NTM: variants seen among roughly 807,000 people sequenced by gnomAD.
NTM encodes the protein neurotrimin.
Under a neutral mutation model 42.1 loss-of-function variants are expected in NTM, and 13 were observed. That is an observed-to-expected ratio of 0.31 (90% CI 0.20 to 0.49). The LOEUF (loss-of-function observed/expected upper bound fraction) is 0.49, where lower values mean the gene tolerates loss of function less well. NTM is among the 20% of genes least tolerant of loss of function. The pLI, the probability that NTM is intolerant of heterozygous loss-of-function variation, is 0.99. For missense variants in NTM, 373 were observed against 452.8 expected (o/e 0.82, Z 1.60); for synonymous variants, 187 against 179.2 (o/e 1.04, Z -0.35).
chr11:131,510,772 A>G (rs1000560451), intron 1 of NTM, among the ~76,000 whole-genome samples: 1 of 152,088 alleles, frequency 6.6e-6, no homozygotes, highest in Admixed American at 6.5e-5. Flanking sequence ...TTTGCAGTCA[A>G]GGTTTGTGCC....
Position 132,320,362 on chromosome 11 carries a change from G to A in NTM, c.934+5659G>A, listed in dbSNP as rs145282944. Reference sequence around the variant, plus strand: ...AGCAGGGCGAGGCATTGCCTCACTCGGGAAGTGCAAGGGATCAGGGAGTTC... The same window carrying A: ...AGCAGGGCGAGGCATTGCCTCACTCAGGAAGTGCAAGGGATCAGGGAGTTC... On this transcript the variant is annotated intron_variant, in intron 7 of 8. Transcript: ENST00000683400. Among the ~76,000 whole-genome samples, 727 of 152,322 alleles carry A rather than the reference G, an allele frequency of 4.8e-3. 8 individuals are homozygous for A. The highest frequency in any genetic ancestry group is 0.016 in the African/African-American group (679 of 41,568).
chr11:131,753,519 T>G (rs1296465176), intron 1 of NTM, among the ~76,000 whole-genome samples: 8 of 151,596 alleles, frequency 5.3e-5, no homozygotes, highest in Non-Finnish European at 7.4e-5. Context: ...TAGACTGGAT[T>G]AAGAAAATGT....
At position 132,108,808 on chromosome 11, in the gene NTM, A is replaced by G. The variant is rs565367463; in HGVS notation, c.168-37474A>G. On this transcript the variant is annotated intron_variant, in intron 2 of 8. Transcript: ENST00000683400. ...CCATTGTGGTTTGCTGCACCCATCAACTCATCATCTACGTTAGATATTTCT... is the reference window on the plus strand; with the variant it reads ...CCATTGTGGTTTGCTGCACCCATCAGCTCATCATCTACGTTAGATATTTCT... Among the ~76,000 whole-genome samples the G allele has an allele frequency of 1.7e-4, 26 of 152,150 alleles. 1 individual carries two copies. In the East Asian group the frequency reaches 5.0e-3, roughly 29 times the overall value.
chr11:131,671,139 G>A (rs925685554), intron 1 of NTM, among the ~76,000 whole-genome samples: 1 of 152,160 alleles, frequency 6.6e-6, no homozygotes, highest in Non-Finnish European at 1.5e-5. Flanking sequence ...CTGCCCAACA[G>A]GCTCTGCTCA....
chr11:132,120,629 C>T (rs2064642908), intron 2 of NTM, among the ~76,000 whole-genome samples: 1 of 152,188 alleles, frequency 6.6e-6, no homozygotes, highest in African/African-American at 2.4e-5. Context: ...TTGCTGGCTC[C>T]TTTCTTTCTT....
chr11:132,230,035 A>AG (rs2087168845), intron 4 of NTM, among the ~76,000 whole-genome samples: 1 of 152,244 alleles, frequency 6.6e-6, no homozygotes, highest in African/African-American at 2.4e-5. Context: ...GAATCCCAAC[A>AG]GAAGGTTAAT....
At chr11:132,190,786 A>C (rs2079187379) in intron 3 of NTM, among the ~76,000 whole-genome samples, 1 of 151,964 alleles carries the variant, frequency 6.6e-6, no homozygotes, top group African/African-American at 2.4e-5. Flanking sequence ...AACTGAGTGA[A>C]TTCTGGGCAA....
chr11:131,765,505 C>A (rs1444620318), intron 1 of NTM, among the ~76,000 whole-genome samples: 1 of 152,144 alleles, frequency 6.6e-6, no homozygotes, highest in Non-Finnish European at 1.5e-5. Context: ...ATAATCTCTT[C>A]TAGGAAAATT....
At chr11:132,215,732 C>G (rs1456715922) in intron 4 of NTM, among the ~76,000 whole-genome samples, 1 of 152,218 alleles carries the variant, frequency 6.6e-6, no homozygotes, top group Non-Finnish European at 1.5e-5. Flanking sequence ...AGGAATTTAT[C>G]AGAATTCAAA....
chr11:131,442,343 A>T (rs1022690945), intron 1 of NTM, among the ~76,000 whole-genome samples: 1 of 152,192 alleles, frequency 6.6e-6, no homozygotes, highest in East Asian at 1.9e-4. Context: ...CTCCTCATCG[A>T]TGACAGCAAT....
chr11:132,048,193 G>T (rs2078285475), intron 2 of NTM, among the ~76,000 whole-genome samples: 1 of 152,048 alleles, frequency 6.6e-6, no homozygotes, highest in Non-Finnish European at 1.5e-5. Context: ...ACCAATCCCT[G>T]GGGATCCTCT....
chr11:131,996,301 C>G (rs1311277863), intron 2 of NTM, among the ~76,000 whole-genome samples: 1 of 152,100 alleles, frequency 6.6e-6, no homozygotes, highest in Non-Finnish European at 1.5e-5. Flanking sequence ...ACCCCCTCCC[C>G]TGCACCTGCC....
At chr11:132,232,717 C>A (rs1042549618) in intron 4 of NTM, among the ~76,000 whole-genome samples, 6 of 152,162 alleles carry the variant, frequency 3.9e-5, no homozygotes, top group African/African-American at 1.4e-4. Context: ...CGCACATTAT[C>A]CTTTATTAAA....
At chr11:132,042,243 G>A (rs1418951148) in intron 2 of NTM, among the ~76,000 whole-genome samples, 1 of 152,146 alleles carries the variant, frequency 6.6e-6, no homozygotes, top group African/African-American at 2.4e-5. Context: ...CCAAATAGCA[G>A]CCCCTCGTTC....
chr11:132,304,542 G>A (rs2095001918), intron 4 of NTM, among the ~76,000 whole-genome samples: 1 of 152,078 alleles, frequency 6.6e-6, no homozygotes, highest in Non-Finnish European at 1.5e-5. Flanking sequence ...TAGAAAGTCA[G>A]ATTGCAGTTT....
At chr11:132,084,206 A>T (rs1432397437) in intron 2 of NTM, among the ~76,000 whole-genome samples, 2 of 152,168 alleles carry the variant, frequency 1.3e-5, no homozygotes, top group Non-Finnish European at 2.9e-5. Context: ...GGGGATAAAA[A>T]CAAGACAACA....
intron 2 of NTM, among the ~76,000 whole-genome samples, chr11:132,104,101 G>A (rs1158265036): frequency 6.6e-6 from 1 of 152,118 alleles, no homozygotes; most frequent in Non-Finnish European, 1.5e-5. Context: ...TCTATTCCCA[G>A]TTGTGCAAGG....
Position 132,302,524 on chromosome 11 carries a change from G to A in NTM, c.527-5165G>A, listed in dbSNP as rs181614369. ...AGGAGGGTTAGGTGAGCAACAAGGGGTCTCTGACTTTTTTTCATTGAATTC... is the reference window on the plus strand; with the variant it reads ...AGGAGGGTTAGGTGAGCAACAAGGGATCTCTGACTTTTTTTCATTGAATTC... On this transcript the variant is annotated intron_variant, in intron 4 of 8. Transcript: ENST00000683400. 2.9e-3 allele frequency among the ~76,000 whole-genome samples: 434 copies of A among 152,268 alleles called. 2 individuals carry two copies. The highest frequency in any genetic ancestry group is 9.8e-3 in the African/African-American group (406 of 41,560).
chr11:132,158,326 T>G (rs141175909), intron 3 of NTM, among the ~76,000 whole-genome samples: 180 of 152,316 alleles, frequency 1.2e-3, no homozygotes, highest in African/African-American at 4.2e-3. Context: ...TCCTTGGGGC[T>G]CTCTTCTTAG....
Sources: gnomAD v4.1 joint callset for allele counts (sites outside exome capture counted in the v4.1 genomes callset) on GRCh38, gnomAD v4.1.1 for gene constraint, MANE v1.5 for transcripts, NCBI Gene and HGNC (gene_info 2026-07-23, HGNC 2026-07-21) for gene names.